Variants in NTM observed in about 807,000 individuals in gnomAD.
The protein encoded by NTM is neurotrimin.
Under a neutral mutation model 42.1 loss-of-function variants are expected in NTM, and 13 were observed. That is an observed-to-expected ratio of 0.31 (90% confidence interval 0.20 to 0.49). The LOEUF is 0.49. Among genes scored for constraint, NTM ranks in the 20% least tolerant of loss-of-function variants. NTM has a pLI of 0.99. For missense variants in NTM, 373 were observed against 452.8 expected (o/e 0.82, Z 1.60); for synonymous variants, 187 against 179.2 (o/e 1.04, Z -0.35).
rs2082929525 is a variant in NTM, at chr11:132,212,010, T to G, written c.401-12T>G. ...GGAGGATTTTTATTTTCATTCTGTC[T>G]TGTTTCCACAGTATCTCCCAAAATT... On this transcript the variant is annotated splice_polypyrimidine_tract_variant and intron_variant, in intron 3 of 8. Transcript: ENST00000683400. 6.2e-7 allele frequency: 1 copy of G among 1,605,066 alleles called. No individual in the cohort carries two copies. Among genetic ancestry groups the G allele is most frequent in the East Asian group, 2.2e-5 (1 of 44,796 alleles).
intron 1 of NTM, among the ~76,000 whole-genome samples, chr11:131,884,001 A>ATCCT (rs936153975): frequency 6.6e-6 from 1 of 152,154 alleles, no homozygotes; most frequent in Non-Finnish European, 1.5e-5. Flanking sequence ...TAGTTACTGA[A>ATCCT]TCCTTAATAG....
At chr11:131,420,442 C>T (rs754030014) in intron 1 of NTM, among the ~76,000 whole-genome samples, 5 of 152,176 alleles carry the variant, frequency 3.3e-5, no homozygotes, top group African/African-American at 4.8e-5. Flanking sequence ...CTTTGGTCCT[C>T]GGCATTTCAG....
chr11:131,735,982 A>G (rs1180518603), intron 1 of NTM, among the ~76,000 whole-genome samples: 1 of 152,018 alleles, frequency 6.6e-6, no homozygotes, highest in Non-Finnish European at 1.5e-5. Flanking sequence ...AGAGGTGCAC[A>G]CCAACACACC....
intron 2 of NTM, among the ~76,000 whole-genome samples, chr11:132,101,703 G>A (rs987636759): frequency 1.8e-4 from 27 of 152,086 alleles, no homozygotes; most frequent in African/African-American, 6.5e-4. Context: ...CCTCTTCTCA[G>A]TCTGTCTATC....
intron 1 of NTM, among the ~76,000 whole-genome samples, chr11:131,890,152 C>CTG (rs2051062348): frequency 9.6e-4 from 71 of 73,828 alleles, no homozygotes; most frequent in East Asian, 4.7e-3. Context: ...CTCTCTCTCT[C>CTG]TCTGTCTCTC....
intron 1 of NTM, among the ~76,000 whole-genome samples, chr11:131,891,737 T>C (rs1262162001): frequency 6.6e-6 from 1 of 152,198 alleles, no homozygotes; most frequent in Non-Finnish European, 1.5e-5. Flanking sequence ...TGCTGCCTTT[T>C]CTGATATTCA....
chr11:132,001,632 G>T (rs1051503924), intron 2 of NTM, among the ~76,000 whole-genome samples: 1 of 152,076 alleles, frequency 6.6e-6, no homozygotes, highest in African/African-American at 2.4e-5. Context: ...ATCTCATGAG[G>T]ACAGCCCGAA....
At chr11:131,670,191 A>G (rs1209428213) in intron 1 of NTM, among the ~76,000 whole-genome samples, 1 of 152,194 alleles carries the variant, frequency 6.6e-6, no homozygotes, top group East Asian at 1.9e-4. Context: ...AAGGCGCCCC[A>G]AAAGCTCTTC....
At chr11:131,851,966 G>T (rs1327395536) in intron 1 of NTM, among the ~76,000 whole-genome samples, 1 of 152,176 alleles carries the variant, frequency 6.6e-6, no homozygotes, top group African/African-American at 2.4e-5. Flanking sequence ...CAATTTGCCT[G>T]CCTGGAACCC....
chr11:131,942,830 CAGCT>C (rs1246220795), intron 2 of NTM, among the ~76,000 whole-genome samples: 1 of 151,878 alleles, frequency 6.6e-6, no homozygotes, highest in Non-Finnish European at 1.5e-5. Flanking sequence ...TCTGTAACCC[CAGCT>C]ACTCGGGAGG....
chr11:131,383,217 G>T (rs1402861849), intron 1 of NTM, among the ~76,000 whole-genome samples: 1 of 152,156 alleles, frequency 6.6e-6, no homozygotes, highest in African/African-American at 2.4e-5. Flanking sequence ...CTGAAAGCAT[G>T]GCCAGGTGCT....
At chr11:132,121,469 T>C (rs1435320565) in intron 2 of NTM, among the ~76,000 whole-genome samples, 1 of 151,922 alleles carries the variant, frequency 6.6e-6, no homozygotes, top group Admixed American at 6.5e-5. Flanking sequence ...AAATGGAAAA[T>C]GCCCCAGCTC....
At chr11:131,782,067 T>C (rs2136016623) in intron 1 of NTM, among the ~76,000 whole-genome samples, 1 of 152,282 alleles carries the variant, frequency 6.6e-6, no homozygotes, top group South Asian at 2.1e-4. Flanking sequence ...AAGTGGGACA[T>C]TCAGTGAAGA....
At chr11:131,765,082 C>T (rs535387793) in intron 1 of NTM, among the ~76,000 whole-genome samples, 78 of 152,232 alleles carry the variant, frequency 5.1e-4, no homozygotes, top group African/African-American at 1.8e-3. Flanking sequence ...TCCCTGCAGG[C>T]GCACATCCTG....
chr11:132,185,300 C>T lies in NTM; in HGVS notation c.401-26722C>T, dbSNP rs1045623874. ...GAATATCCAAACAGACATTTATGCA[C>T]ACATTTTCTTGAGATATCAAGGCTT... On this transcript the variant is annotated intron_variant, in intron 3 of 8. Transcript: ENST00000683400. Among the ~76,000 whole-genome samples, 8 of 152,336 alleles carry T rather than the reference C, an allele frequency of 5.3e-5. No individual in the cohort carries two copies. In the East Asian group the frequency reaches 9.6e-4, roughly 18 times the overall value.
At chr11:132,256,002 G>A (rs771133946) in intron 4 of NTM, among the ~76,000 whole-genome samples, 2 of 151,960 alleles carry the variant, frequency 1.3e-5, no homozygotes, top group Non-Finnish European at 2.9e-5. Context: ...CCCAGTGAAC[G>A]TCCTCCTCCA....
At chr11:131,763,702 TC>T (rs2084611226) in intron 1 of NTM, among the ~76,000 whole-genome samples, 1 of 123,138 alleles carries the variant, frequency 8.1e-6, no homozygotes, top group African/African-American at 2.9e-5. Context: ...CAGGCCCATC[TC>T]TCTCTCTTTT....
chr11:131,697,357 T>C (rs1284250213), intron 1 of NTM, among the ~76,000 whole-genome samples: 1 of 152,242 alleles, frequency 6.6e-6, no homozygotes, highest in Non-Finnish European at 1.5e-5. Flanking sequence ...CGTTGCAGCT[T>C]CATCCAGAGT....
At chr11:131,962,335 T>C (rs1039262835) in intron 2 of NTM, among the ~76,000 whole-genome samples, 4 of 152,172 alleles carry the variant, frequency 2.6e-5, no homozygotes, top group African/African-American at 9.6e-5. Context: ...GACTGCACAA[T>C]TGTGTCCTTC....
Sources: gnomAD v4.1 joint callset for allele counts (sites outside exome capture counted in the v4.1 genomes callset) on GRCh38, gnomAD v4.1.1 for gene constraint, MANE v1.5 for transcripts, NCBI Gene and HGNC (gene_info 2026-07-23, HGNC 2026-07-21) for gene names.